Variants in PTPRF observed in about 807,000 individuals in gnomAD.
The protein encoded by PTPRF is receptor-type tyrosine-protein phosphatase F.
In PTPRF, 59 loss-of-function variants were observed where a neutral mutation model predicts 201.8. That is an observed-to-expected ratio of 0.29 (90% CI 0.24 to 0.36). The LOEUF (loss-of-function observed/expected upper bound fraction) is 0.36. Ranked by LOEUF, PTPRF falls within the 10% of genes least tolerant of loss-of-function variation. The probability of loss-of-function intolerance (pLI) is 1.00; values close to 1 mark genes in which losing one functional copy is unlikely to be tolerated. For synonymous variants in PTPRF, 1,088 were observed against 1,089.7 expected, an observed-to-expected ratio of 1.00 and a Z score of 0.03; for missense variants, 2,132 against 2,690.5, an observed-to-expected ratio of 0.79 and a Z score of 4.59.
intron 11 of PTPRF, among the ~76,000 whole-genome samples, chr1:43,596,509 C>T (rs1273917474): frequency 6.6e-6 from 1 of 152,152 alleles, no homozygotes. Flanking sequence ...ACGTGTCTGC[C>T]TCCTAATTCC....
chr1:43,605,643 G>A (rs767749143), intron 19 of PTPRF, 21 bp downstream of exon 19: 1 of 1,605,426 alleles, frequency 6.2e-7, no homozygotes, highest in South Asian at 1.1e-5. Context: ...AGGGGATGGG[G>A]ACACTGACAG....
intron 30 of PTPRF, 92 bp downstream of exon 30, chr1:43,620,313 T>G: frequency 6.4e-7 from 1 of 1,563,606 alleles, no homozygotes; most frequent in South Asian, 1.2e-5. Context: ...CTGTCTCCTT[T>G]GACACCCCAG....
At chr1:43,572,625 C>T (rs746772381) in intron 6 of PTPRF, among the ~76,000 whole-genome samples, 15 of 152,346 alleles carry the variant, frequency 9.8e-5, no homozygotes, top group Non-Finnish European at 1.5e-4. Context: ...AGGGACAGCC[C>T]TTCATGGAGT....
intron 2 of PTPRF, among the ~76,000 whole-genome samples, chr1:43,540,759 G>T (rs978775620): frequency 6.6e-6 from 1 of 152,202 alleles, no homozygotes; most frequent in Non-Finnish European, 1.5e-5. Flanking sequence ...CTCTGCTCAC[G>T]GATTCTGGCC....
At position 43,578,798 on chromosome 1, in the gene PTPRF, G is replaced by A. The variant is rs200569457; in HGVS notation, c.569-12G>A. On this transcript the variant is annotated splice_polypyrimidine_tract_variant and intron_variant, in intron 6 of 33. Coordinates refer to ENST00000359947, the MANE Select transcript of PTPRF (RefSeq NM_002840.5). ...TGGGCCGTGCCTGACCTCTCGCTTCGTGTACCCACAGGTGCCTTGCAGATA... is the reference window on the plus strand; with the variant it reads ...TGGGCCGTGCCTGACCTCTCGCTTCATGTACCCACAGGTGCCTTGCAGATA... 5.5e-4 allele frequency: 891 copies of A among 1,607,908 alleles called. 16 individuals are homozygous for A. The South Asian group carries it at 7.9e-3, about 14-fold the overall frequency.
At position 43,546,218 on chromosome 1, in the gene PTPRF, T is replaced by C. The variant is rs1644665294; in HGVS notation, c.91+1052T>C. Among the ~76,000 whole-genome samples the C allele has an allele frequency of 6.6e-6, 1 of 152,172 alleles. No individual in the cohort carries two copies. The highest frequency in any genetic ancestry group is 2.4e-5 in the African/African-American group (1 of 41,430). ...TCATTAATTATTCAGGAACTGATTC[T>C]GGAGTGGGGTGGGACTGGTGTGGTC... On this transcript the variant is annotated intron_variant, in intron 3 of 33. Transcript: ENST00000359947. The surrounding 1 kb of genome is among the most constrained non-coding windows in gnomAD (Gnocchi z 4.2).
chr1:43,601,930 G>A (rs1653845313), intron 13 of PTPRF, 141 bp from the exon 14 acceptor site: 3 of 878,628 alleles, frequency 3.4e-6, no homozygotes, highest in Non-Finnish European at 5.5e-6. Context: ...AGTTGTTCTG[G>A]GGTGCTACCC....
intron 11 of PTPRF, among the ~76,000 whole-genome samples, chr1:43,596,889 T>G (rs542685674): frequency 2.0e-5 from 3 of 152,316 alleles, no homozygotes; most frequent in African/African-American, 7.2e-5. Flanking sequence ...TAAGACATTG[T>G]GTGTGAGAGT....
In PTPRF at chr1:43,565,128, T is replaced by C. The variant is rs535157725; in HGVS notation, c.380-4462T>C. 7.9e-5 allele frequency among the ~76,000 whole-genome samples: 12 copies of C among 152,296 alleles called. 1 individual carries two copies. In the South Asian group the frequency reaches 2.5e-3, roughly 32 times the overall value. ...GAAAGCTTTCTGCCTCCCATGCTCA[T>C]GTGTTTCCTGTTCTTGAATCTCCCT... is the stretch of plus-strand genomic sequence containing the variant. On this transcript the variant is annotated intron_variant, in intron 5 of 33. Transcript: ENST00000359947.
chr1:43,599,018 C>A, intron 13 of PTPRF, 105 bp downstream of exon 13: 1 of 1,255,130 alleles, frequency 8.0e-7, no homozygotes, highest in Non-Finnish European at 1.1e-6. Flanking sequence ...CTGCCCTCAG[C>A]AGTGCTGTGA....
At chr1:43,576,240 C>T (rs967261576) in intron 6 of PTPRF, among the ~76,000 whole-genome samples, 2 of 152,268 alleles carry the variant, frequency 1.3e-5, no homozygotes, top group Admixed American at 6.5e-5. Flanking sequence ...TACTGTGAAA[C>T]TTAGCCTGTC....
At position 43,592,485 on chromosome 1, in the gene PTPRF, C is replaced by G; in HGVS notation, c.1697C>G (p.Ser566Cys). 1 of 1,612,336 alleles carries G rather than the reference C, an allele frequency of 6.2e-7. No individual in the cohort carries two copies. The highest frequency in any genetic ancestry group is 8.5e-7 in the Non-Finnish European group (1 of 1,179,396). ...AAGGTGACCTTCGACCCAACCTCCTCCTACACACTAGAGGACCTGAAGCCT... is the reference window on the plus strand; with the variant it reads ...AAGGTGACCTTCGACCCAACCTCCTGCTACACACTAGAGGACCTGAAGCCT... Reference protein sequence around the residue: ...QHKVTFDPTSSYTLEDLKPDT... With the variant: ...QHKVTFDPTSCYTLEDLKPDT... The change falls in exon 11 of 34, where the codon TCC (serine) becomes TGC (cysteine). Residue 566 changes from serine (S) to cysteine (C), a missense_variant. Physicochemically the swap from Ser to Cys is moderately radical, Grantham distance 112. Transcript: ENST00000359947.
At position 43,603,597 on chromosome 1, in the gene PTPRF, C is replaced by G. The variant is rs767470774; in HGVS notation, c.2459-14C>G. The G allele has an allele frequency of 4.3e-6, 7 of 1,612,676 alleles. No homozygotes were observed. The highest frequency in any genetic ancestry group is 5.1e-6 in the Non-Finnish European group (6 of 1,179,208). ...CAGGAGGGCAGCGCCAGAGCCCAGC[C>G]CGTGGTCCTTCAGTCCCAGGCCGGC... is the stretch of plus-strand genomic sequence containing the variant. On this transcript the variant is annotated splice_polypyrimidine_tract_variant and intron_variant, in intron 15 of 33. Transcript: ENST00000359947. The surrounding 1 kb of genome is among the most constrained non-coding windows in gnomAD (Gnocchi z 5.8).
intron 13 of PTPRF, among the ~76,000 whole-genome samples, chr1:43,601,854 CCCT>C (rs1653830817): frequency 6.6e-6 from 1 of 152,216 alleles, no homozygotes; most frequent in African/African-American, 2.4e-5. Flanking sequence ...TGTCTCCCTA[CCCT>C]CCTCAGCCCT....
intron 23 of PTPRF, among the ~76,000 whole-genome samples, chr1:43,615,197 G>A (rs1192296612): frequency 6.6e-6 from 1 of 152,234 alleles, no homozygotes; most frequent in African/African-American, 2.4e-5. Context: ...GGATGAGTAT[G>A]TCTGCGGCAC....
In PTPRF at chr1:43,622,871, A is replaced by G. The variant is rs918299520; in HGVS notation, c.*868A>G. 6.6e-6 allele frequency: 1 copy of G among 152,610 alleles called. No individual in the cohort carries two copies. Among genetic ancestry groups the G allele is most frequent in the African/African-American group, 2.4e-5 (1 of 41,432 alleles). 9.5% of individuals were successfully genotyped at this position (152,610 alleles called of 1,614,324 possible). On this transcript the variant is annotated 3_prime_UTR_variant, in exon 34 of 34. Transcript: ENST00000359947. ...ACAAAAACAAAAAACCACAAAAATA[A>G]AAAACAAAAAAAACAAAAAACCCAA...
intron 5 of PTPRF, among the ~76,000 whole-genome samples, chr1:43,565,567 G>C (rs1646103586): frequency 6.6e-6 from 1 of 152,242 alleles, no homozygotes; most frequent in African/African-American, 2.4e-5. Context: ...GTCCCCATGG[G>C]CTTCTCCTTC....
rs887326029 is a variant in PTPRF, at chr1:43,591,500, C to T, written c.1478C>T (p.Ala493Val). Residue 493 changes from alanine to valine, a missense_variant, in exon 9 of 34, where the codon GCC becomes GTC. Physicochemically the swap from Ala to Val is moderately conservative, Grantham distance 64 (BLOSUM62 0). This residue lies in a region of PTPRF where 351 missense variants were observed against 401.7 expected (regional missense o/e 0.87). Transcript: ENST00000359947. ...AGCCTGCGCGTGCTTGCCTTCACCG[C>T]CGTGGGCGATGGCCCTCCCAGCCCC... ...TYSLRVLAFT[A>V]VGDGPPSPTI... The T allele has an allele frequency of 2.4e-5, 39 of 1,601,136 alleles. No individual in the cohort carries two copies. The highest frequency in any genetic ancestry group is 1.0e-4 in the Admixed American group (6 of 59,226).
intron 11 of PTPRF, among the ~76,000 whole-genome samples, chr1:43,593,261 G>A (rs1160986589): frequency 6.6e-6 from 1 of 152,244 alleles, no homozygotes; most frequent in African/African-American, 2.4e-5. Flanking sequence ...CACTGCCCAT[G>A]AGTGTGAGTG....
Sources: gnomAD v4.1 joint callset for allele counts (sites outside exome capture counted in the v4.1 genomes callset) on GRCh38, gnomAD v4.1.1 for gene constraint, gnomAD v4.1.1 regional missense constraint, Gnocchi (gnomAD v3.1) non-coding constraint, MANE v1.5 for transcripts, NCBI Gene and HGNC (gene_info 2026-07-23, HGNC 2026-07-21) for gene names.